Variants in MDN1 observed in about 807,000 individuals in gnomAD.
The protein encoded by MDN1 is midasin.
A neutral mutation model predicts 669.2 loss-of-function variants in MDN1; 266 were observed. The observed-to-expected ratio is 0.40, with a 90% confidence interval of 0.36 to 0.44. MDN1 has a LOEUF of 0.44. MDN1 is among the 20% of genes least tolerant of loss of function. The pLI, the probability that MDN1 is intolerant of heterozygous loss-of-function variation, is 1.00. For synonymous variants in MDN1, 2,385 were observed against 2,457.1 expected (o/e 0.97, Z 0.87); for missense variants, 5,940 against 6,754.0 (o/e 0.88, Z 4.22).
Position 89,732,587 on chromosome 6 carries a change from A to C in MDN1, c.4912T>G (p.Cys1638Gly), listed in dbSNP as rs771421994. 3 of 1,614,166 alleles carry C rather than the reference A, an allele frequency of 1.9e-6. No individual in the cohort carries two copies. In the Admixed American group the frequency reaches 5.0e-5, roughly 27 times the overall value. The change falls in exon 34 of 102, where the codon TGC (cysteine) becomes GGC (glycine). Residue 1638 changes from cysteine (C) to glycine (G), a missense_variant. By Grantham distance (159) the Cys-to-Gly change is radical. This residue lies in a region of MDN1 where 2,292 missense variants were observed against 2,638.3 expected (regional missense o/e 0.87). Transcript: ENST00000369393. The stretch of plus-strand genomic sequence containing the variant: ...CCTATTCCATCTATGTACACCAGGC[A>C]TGCAGCATGGACAAAAGATGTCACA... ...STVTSFVHAA[C>G]LVYIDGIGSG...
chr6:89,732,081 C>T (rs1025283167), intron 34 of MDN1, among the ~76,000 whole-genome samples: 10 of 151,982 alleles, frequency 6.6e-5, no homozygotes, highest in South Asian at 2.1e-4. Context: ...ACAAAACTTG[C>T]ATCAAAAATA....
intron 9 of MDN1, among the ~76,000 whole-genome samples, chr6:89,784,590 A>T (rs1818857755): frequency 6.6e-6 from 1 of 152,182 alleles, no homozygotes; most frequent in African/African-American, 2.4e-5. Flanking sequence ...CAATGTAGAA[A>T]ACCTATAAAG....
chr6:89,757,951 GGC>G (rs1283208583), intron 19 of MDN1, among the ~76,000 whole-genome samples: 1 of 152,150 alleles, frequency 6.6e-6, no homozygotes, highest in Non-Finnish European at 1.5e-5. Flanking sequence ...AGGAGGCTGA[GGC>G]AGGAGAATCG....
intron 56 of MDN1, among the ~76,000 whole-genome samples, 153 bp from the exon 57 acceptor site, chr6:89,700,447 A>G (rs1225217817): frequency 1.3e-5 from 2 of 151,300 alleles, no homozygotes; most frequent in Non-Finnish European, 2.9e-5. Flanking sequence ...CTGTGAAATG[A>G]TATTAATACC....
intron 49 of MDN1, among the ~76,000 whole-genome samples, chr6:89,711,185 T>C (rs1167445812): frequency 6.6e-6 from 1 of 152,212 alleles, no homozygotes; most frequent in Non-Finnish European, 1.5e-5. Flanking sequence ...ACAAATTCCA[T>C]GTTCTGTACT....
intron 19 of MDN1, among the ~76,000 whole-genome samples, chr6:89,757,117 A>G (rs1817294879): frequency 6.6e-6 from 1 of 152,190 alleles, no homozygotes; most frequent in South Asian, 2.1e-4. Context: ...TTGCTTTATA[A>G]TGAAGAGAGA....
chr6:89,701,184 T>C (rs1457695734), intron 55 of MDN1, among the ~76,000 whole-genome samples: 1 of 152,042 alleles, frequency 6.6e-6, no homozygotes, highest in Non-Finnish European at 1.5e-5. Flanking sequence ...GGGGGAAAAA[T>C]GGATGGTTGC....
chr6:89,657,471 T>C (rs1809400886), intron 90 of MDN1, among the ~76,000 whole-genome samples: 1 of 152,160 alleles, frequency 6.6e-6, no homozygotes, highest in South Asian at 2.1e-4. Context: ...CACCACCAGA[T>C]CAAAGAATGA....
intron 17 of MDN1, among the ~76,000 whole-genome samples, chr6:89,759,446 T>C (rs1249231534): frequency 1.3e-5 from 2 of 152,186 alleles, no homozygotes; most frequent in African/African-American, 2.4e-5. Flanking sequence ...CTAGATTTAA[T>C]TGGTTTTAGA....
chr6:89,737,958 A>C (rs1203976222), intron 33 of MDN1, among the ~76,000 whole-genome samples: 1 of 152,152 alleles, frequency 6.6e-6, no homozygotes, highest in Non-Finnish European at 1.5e-5. Context: ...TCCTGACCTC[A>C]AGTGATCCGC....
At chr6:89,726,917 G>A (rs1386865346) in intron 37 of MDN1, among the ~76,000 whole-genome samples, 6 of 152,128 alleles carry the variant, frequency 3.9e-5, no homozygotes, top group East Asian at 1.9e-4. Context: ...ACAGAAGGCC[G>A]CTCTTAAATG....
chr6:89,749,107 A>C (rs1816822524), intron 26 of MDN1, 116 bp downstream of exon 26: 2 of 998,962 alleles, frequency 2.0e-6, no homozygotes, highest in Non-Finnish European at 2.8e-6. Flanking sequence ...TAAAAAATAA[A>C]AAAAAATCTC....
chr6:89,759,036 G>A, intron 17 of MDN1, 76 bp from the exon 18 acceptor site: 8 of 1,443,936 alleles, frequency 5.5e-6, no homozygotes, highest in Non-Finnish European at 5.7e-6. Context: ...ATGCAAGCAG[G>A]GTTAGAAATA....
At chr6:89,815,837 G>A (rs1768788370) in intron 1 of MDN1, among the ~76,000 whole-genome samples, 3 of 151,986 alleles carry the variant, frequency 2.0e-5, no homozygotes, top group Admixed American at 6.6e-5. Context: ...AAGGCCCTTG[G>A]GGGCACCACT....
At chr6:89,784,853 C>T (rs940411602) in intron 9 of MDN1, among the ~76,000 whole-genome samples, 159 bp downstream of exon 9, 1 of 151,876 alleles carries the variant, frequency 6.6e-6, no homozygotes, top group Non-Finnish European at 1.5e-5. Context: ...ATATATTAGC[C>T]CAGAAAAAAT....
At chr6:89,656,583 A>G in intron 91 of MDN1, 117 bp downstream of exon 91, 1 of 838,686 alleles carries the variant, frequency 1.2e-6, no homozygotes, top group Non-Finnish European at 1.9e-6. Context: ...ATCTGATGCA[A>G]CAACAACAAA....
Position 89,793,759 on chromosome 6 carries a change from T to C in MDN1, c.855+3A>G. The C allele has an allele frequency of 6.2e-7, 1 of 1,612,760 alleles. No homozygotes were observed. Among genetic ancestry groups the C allele is most frequent in the Non-Finnish European group, 8.5e-7 (1 of 1,179,288 alleles). ...GACACACCCCCTACTGATACCAACA[T>C]ACCAGCTCTCCAGGGGCTGGCAGCT... On this transcript the variant is annotated splice_donor_region_variant and intron_variant, in intron 5 of 101. Coordinates refer to ENST00000369393, the MANE Select transcript of MDN1 (RefSeq NM_014611.3).
chr6:89,793,235 T>C (rs1819375071), intron 5 of MDN1, among the ~76,000 whole-genome samples: 1 of 152,224 alleles, frequency 6.6e-6, no homozygotes, highest in Admixed American at 6.5e-5. Flanking sequence ...GGCCTGTCTT[T>C]GCCACAGAGC....
chr6:89,644,336 AAG>A (rs763769289), intron 101 of MDN1, 143 bp from the exon 102 acceptor site: 32 of 647,158 alleles, frequency 4.9e-5, no homozygotes, highest in Non-Finnish European at 7.2e-5. Context: ...TACTAAGTAA[AAG>A]AGAATTTTCA....
Sources: allele counts gnomAD v4.1 joint callset (sites outside exome capture counted in the v4.1 genomes callset), GRCh38; gene constraint gnomAD v4.1.1; regional missense constraint gnomAD v4.1.1; transcripts MANE v1.5; gene names NCBI Gene and HGNC (gene_info 2026-07-23, HGNC 2026-07-21).